Variants in CYP2A6 observed in about 807,000 individuals in gnomAD.
CYP2A6 encodes cytochrome P450 2A6.
Under a neutral mutation model 42.3 loss-of-function variants are expected in CYP2A6, and 27 were observed. The ratio of observed to expected loss-of-function variants is 0.64; its 90% CI spans 0.47 to 0.88. CYP2A6 has a LOEUF of 0.88. Among genes scored for constraint, CYP2A6 ranks in the 40% least tolerant of loss-of-function variants. CYP2A6 has a pLI of 0.00. For missense variants in CYP2A6, 628 were observed against 646.0 expected (o/e 0.97, Z 0.30); for synonymous variants, 238 against 246.3 (o/e 0.97, Z 0.31).
intron 2 of CYP2A6, among the ~76,000 whole-genome samples, chr19:40,848,984 AG>A (rs1967159477): frequency 8.5e-6 from 1 of 117,212 alleles, no homozygotes; most frequent in East Asian, 2.9e-4. Context: ...GAGAAGAGAG[AG>A]AGGAGAGAGA....
Position 40,848,872 on chromosome 19 carries a change from A to T in CYP2A6, c.344-109T>A, listed in dbSNP as rs1967152099. On this transcript the variant is annotated intron_variant, in intron 2 of 8. Transcript: ENST00000301141. ...TGGAGGAGAGAGGGAGTAGGGTGGG[A>T]GAGAGATGGATTCAGCGCCATTGCC... 5.2e-6 allele frequency: 7 copies of T among 1,338,436 alleles called. No homozygotes were observed. In the South Asian group the frequency reaches 6.6e-5, roughly 13 times the overall value. The allele number at this position is 1,338,436 out of a possible 1,614,324, so 82.9% of individuals were successfully genotyped here. A position where few individuals can be genotyped will look rare whatever the true frequency, so the allele number is the denominator to read the frequency against.
chr19:40,844,523 A>T lies in CYP2A6; in HGVS notation c.1303+108T>A, dbSNP rs1004131513. ...TGGCTCAAGGGTAGATTCTAACAGG[A>T]ACTTCCAAGCTGGAGAAATACCAGG... On this transcript the variant is annotated intron_variant, in intron 8 of 8. Transcript: ENST00000301141. 21 of 1,588,938 alleles carry T rather than the reference A, an allele frequency of 1.3e-5. No homozygotes were observed. The African/African-American group carries it at 2.2e-4, about 16-fold the overall frequency.
chr19:40,848,167 G>T, intron 4 of CYP2A6, 52 bp downstream of exon 4: 2 of 1,601,110 alleles, frequency 1.2e-6, no homozygotes, highest in South Asian at 2.2e-5. Context: ...AGGTAGGGGA[G>T]CAGTTGGCAG....
chr19:40,847,040 C>T lies in CYP2A6; in HGVS notation c.666G>A (p.Met222Ile), dbSNP rs747803234. ...TSTSTGQLYE[M>I]FSSVMKHLPG... ...GCAGGTGTTTCATCACCGAAGAGAA[C>T]ATCTCATAGAGCTGGGGTTGCAGAG... is the stretch of plus-strand genomic sequence containing the variant. The change falls in exon 5 of 9, where the codon ATG becomes ATA. Residue 222 changes from methionine (M) to isoleucine (I), a missense_variant. Transcript: ENST00000301141. 7 of 1,611,370 alleles carry T rather than the reference C, an allele frequency of 4.3e-6. No individual in the cohort carries two copies. The highest frequency in any genetic ancestry group is 1.7e-5 in the Admixed American group (1 of 59,924).
At chr19:40,848,976 GAAGAGAGAGAGGAGAGAGAGAGAGAGAGA>G (rs1967158409) in intron 2 of CYP2A6, among the ~76,000 whole-genome samples, 2 of 89,352 alleles carry the variant, frequency 2.2e-5, no homozygotes, top group African/African-American at 4.8e-5. Context: ...GAGAGAGAGA[GAAGAGAGAGAGGAGAGAGAGAGAGAGAGA>G]GAGAGAAGAG....
Position 40,849,799 on chromosome 19 carries a change from C to T in CYP2A6, c.343+19G>A, listed in dbSNP as rs747704342. ...TCGTGTCCACCTGGCCACCTTCCCC[C>T]TCTTGGGCACCCCCTCACCATAGCC... On this transcript the variant is annotated intron_variant, in intron 2 of 8. Coordinates refer to ENST00000301141, the MANE Select transcript of CYP2A6 (RefSeq NM_000762.6). The T allele has an allele frequency of 3.7e-6, 6 of 1,604,128 alleles. No individual in the cohort carries two copies. Among genetic ancestry groups the T allele is most frequent in the South Asian group, 2.2e-5 (2 of 90,010 alleles).
chr19:40,844,322 T>C (rs932071081), intron 8 of CYP2A6, among the ~76,000 whole-genome samples: 4 of 151,342 alleles, frequency 2.6e-5, no homozygotes, highest in Middle Eastern at 3.4e-3. Context: ...GGTTTAGATG[T>C]CCTTTCCTGC....
chr19:40,846,911 C>A lies in CYP2A6; in HGVS notation c.795G>T (p.Arg265=), dbSNP rs527434101. ...GGATGAGAAAGGAGTCAATGAAGTCCCGTGGGGAATTGGGATCCAGCGTGC... is the reference window on the plus strand; with the variant it reads ...GGATGAGAAAGGAGTCAATGAAGTCACGTGGGGAATTGGGATCCAGCGTGC... ...NQRTLDPNSP[R]DFIDSFLIRM... The change falls in exon 5 of 9, where the codon CGG becomes CGT. Residue 265 remains arginine (R), a synonymous_variant. Coordinates refer to ENST00000301141, the MANE Select transcript of CYP2A6 (RefSeq NM_000762.6). 3.7e-6 allele frequency: 6 copies of A among 1,612,092 alleles called. No homozygotes were observed. The African/African-American group carries it at 6.7e-5, about 18-fold the overall frequency.
Position 40,849,898 on chromosome 19 carries a change from C to A in CYP2A6, c.263G>T (p.Arg88Met). 6.2e-7 allele frequency: 1 copy of A among 1,611,670 alleles called. No homozygotes were observed. The highest frequency in any genetic ancestry group is 1.7e-5 in the Admixed American group (1 of 59,992). Reference sequence around the variant, plus strand: ...CTCAGCCTGGTCCACCAGAGCCTCCCTGACGGCATCATGTCCACACAGCAC... The same window carrying A: ...CTCAGCCTGGTCCACCAGAGCCTCCATGACGGCATCATGTCCACACAGCAC... ...VVVLCGHDAV[R>M]EALVDQAEEF... is the part of the protein sequence containing the mutation. Residue 88 changes from arginine to methionine, a missense_variant, in exon 2 of 9, where the codon AGG becomes ATG. This residue lies in a region of CYP2A6 where 606 missense variants were observed against 568.1 expected (regional missense o/e 1.07). Coordinates refer to ENST00000301141, the MANE Select transcript of CYP2A6 (RefSeq NM_000762.6).
rs555413545 is a variant in CYP2A6, at chr19:40,844,812, G to A, written c.1162-40C>T. The A allele has an allele frequency of 1.9e-4, 307 of 1,582,790 alleles. 6 individuals are homozygous for A. The highest frequency in any genetic ancestry group is 1.6e-3 in the South Asian group (140 of 86,654). On this transcript the variant is annotated intron_variant, in intron 7 of 8. Coordinates refer to ENST00000301141, the MANE Select transcript of CYP2A6 (RefSeq NM_000762.6). The stretch of plus-strand genomic sequence containing the variant: ...GAAGTTGTGTGTGATGAGGAGGGTC[G>A]GGGGATTGGTGAAAGTACACAGGGG...
In CYP2A6 at chr19:40,849,731, G is replaced by C. The variant is rs541653514; in HGVS notation, c.343+87C>G. Reference sequence around the variant, plus strand: ...ACTGGGGACTCTGCCTTAGCCTCCAGTTGGCAGGAGAGTCAGGGAGAAGGC... The same window carrying C: ...ACTGGGGACTCTGCCTTAGCCTCCACTTGGCAGGAGAGTCAGGGAGAAGGC... On this transcript the variant is annotated intron_variant, in intron 2 of 8. Coordinates refer to ENST00000301141, the MANE Select transcript of CYP2A6 (RefSeq NM_000762.6). 2.8e-5 allele frequency: 44 copies of C among 1,581,160 alleles called. 1 individual carries two copies. In the African/African-American group the frequency reaches 5.7e-4, roughly 20 times the overall value.
chr19:40,843,722 C>G lies in CYP2A6; in HGVS notation c.*74G>C. ...CCTGCCCCCAGTCTTAGCTGCGCCC[C>G]TCTCCCAAGCCCGGTCTTGGCCCTG... On this transcript the variant is annotated 3_prime_UTR_variant, in exon 9 of 9. Transcript: ENST00000301141. 7.3e-6 allele frequency: 10 copies of G among 1,370,386 alleles called. 1 individual carries two copies. Among genetic ancestry groups the G allele is most frequent in the Non-Finnish European group, 9.8e-6 (10 of 1,024,968 alleles). The allele number at this position is 1,370,386 out of a possible 1,614,324, so 84.9% of individuals were successfully genotyped here. A position where few individuals can be genotyped will look rare whatever the true frequency, so the allele number is the denominator to read the frequency against.
chr19:40,844,712 G>C lies in CYP2A6; in HGVS notation c.1222C>G (p.Pro408Ala). The change falls in exon 8 of 9, where the codon CCC (proline) becomes GCC (alanine). Residue 408 changes from proline to alanine, a missense_variant. By Grantham distance (27) the Pro-to-Ala change is conservative. Transcript: ENST00000301141. Reference sequence around the variant, plus strand: ...AAGTGCTGGGGATTGAAGTCCTGGGGGTTGGAGAAGAAACTGGGGTCTCTC... The same window carrying C: ...AAGTGCTGGGGATTGAAGTCCTGGGCGTTGGAGAAGAAACTGGGGTCTCTC... Reference protein sequence around the residue: ...VLRDPSFFSNPQDFNPQHFLN... With the variant: ...VLRDPSFFSNAQDFNPQHFLN... 6.2e-7 allele frequency: 1 copy of C among 1,611,722 alleles called. No homozygotes were observed. The highest frequency in any genetic ancestry group is 1.1e-5 in the South Asian group (1 of 90,922).
In CYP2A6 at chr19:40,844,676, T is replaced by C. The variant is rs775202015; in HGVS notation, c.1258A>G (p.Lys420Glu). The change falls in exon 8 of 9, where the codon AAG (lysine) becomes GAG (glutamate). Residue 420 changes from lysine to glutamate, a missense_variant. By Grantham distance (56) the Lys-to-Glu change is moderately conservative. Transcript: ENST00000301141. ...GCATCACTCTTCTTAAACTGCCCCT[T>C]CTCATTCAGGAAGTGCTGGGGATTG... ...DFNPQHFLNEKGQFKKSDAFV... is the reference protein window; with the variant it reads ...DFNPQHFLNEEGQFKKSDAFV... 6.2e-7 allele frequency: 1 copy of C among 1,611,692 alleles called. No homozygotes were observed. Among genetic ancestry groups the C allele is most frequent in the Non-Finnish European group, 8.5e-7 (1 of 1,179,878 alleles).
At position 40,846,027 on chromosome 19, in the gene CYP2A6, C is replaced by G. The variant is rs60823196; in HGVS notation, c.902G>C (p.Gly301Ala). The change falls in exon 6 of 9, where the codon GGG (glycine) becomes GCG (alanine). Residue 301 changes from glycine to alanine, a missense_variant. By Grantham distance (60) the Gly-to-Ala change is moderately conservative. This residue lies in a region of CYP2A6 where 606 missense variants were observed against 568.1 expected (regional missense o/e 1.07). Transcript: ENST00000301141. ...GGTGGTGCTGACGGTCTCGGTGCCC[C>G]CAATGAAGAGGTTCAACGTGGTCAT... is the stretch of plus-strand genomic sequence containing the variant. ...LVMTTLNLFI[G>A]GTETVSTTLR... 2 of 1,611,328 alleles carry G rather than the reference C, an allele frequency of 1.2e-6. No homozygotes were observed. The highest frequency in any genetic ancestry group is 1.3e-5 in the African/African-American group (1 of 74,464).
chr19:40,846,091 T>C lies in CYP2A6; in HGVS notation c.838A>G (p.Lys280Glu), dbSNP rs911423453. 2 of 1,611,164 alleles carry C rather than the reference T, an allele frequency of 1.2e-6. No homozygotes were observed. The highest frequency in any genetic ancestry group is 3.3e-5 in the Admixed American group (2 of 59,920). ...SFLIRMQEEE[K>E]NPNTEFYLKN... is the part of the protein sequence containing the mutation. The stretch of plus-strand genomic sequence containing the variant: ...AAGTAGAACTCCGTGTTGGGGTTCT[T>C]CTCCTCCTGCAGGGAGAGGGGGCTT... The change falls in exon 6 of 9, where the codon AAG becomes GAG. Residue 280 changes from lysine (K) to glutamate (E), a missense_variant. Physicochemically the swap from Lys to Glu is moderately conservative, Grantham distance 56 (BLOSUM62 1). Around this residue, in one of 2 missense-constraint regions of CYP2A6, gnomAD observed 606 missense variants for 568.1 expected, o/e 1.07. Transcript: ENST00000301141.
rs760940282 is a variant in CYP2A6, at chr19:40,846,100, G to T, written c.832-3C>A. 4 of 1,611,348 alleles carry T rather than the reference G, an allele frequency of 2.5e-6. No homozygotes were observed. Among genetic ancestry groups the T allele is most frequent in the East Asian group, 2.3e-5 (1 of 43,330 alleles). ...TCCGTGTTGGGGTTCTTCTCCTCCTGCAGGGAGAGGGGGCTTTAGGCCAAC... is the reference window on the plus strand; with the variant it reads ...TCCGTGTTGGGGTTCTTCTCCTCCTTCAGGGAGAGGGGGCTTTAGGCCAAC... On this transcript the variant is annotated splice_region_variant and splice_polypyrimidine_tract_variant and intron_variant, in intron 5 of 8. Coordinates refer to ENST00000301141, the MANE Select transcript of CYP2A6 (RefSeq NM_000762.6).
At position 40,850,298 on chromosome 19, in the gene CYP2A6, A is replaced by G; in HGVS notation, c.129T>C (p.Ile43=). 1 of 1,610,064 alleles carries G rather than the reference A, an allele frequency of 6.2e-7. No homozygotes were observed. Among genetic ancestry groups the G allele is most frequent in the South Asian group, 1.1e-5 (1 of 90,782 alleles). The change falls in exon 1 of 9, where the codon ATT becomes ATC. Residue 43 remains isoleucine (I), a synonymous_variant. Transcript: ENST00000301141. The part of the protein sequence containing the change: ...LPPGPTPLPF[I]GNYLQLNTEQ... ...CTGTGTTCAGCTGCAGGTAGTTTCC[A>G]ATGAAGGGCAATGGGGTGGGTCCCG... is the stretch of plus-strand genomic sequence containing the variant.
Position 40,846,965 on chromosome 19 carries a change from G to T in CYP2A6, c.741C>A (p.Phe247Leu). The part of the protein sequence containing the change: ...AFQLLQGLED[F>L]IAKKVEHNQR... Reference sequence around the variant, plus strand: ...GGTTGTGCTCCACCTTCTTGGCTATGAAGTCCTCCAGCCCTTGCAGCAACT... The same window carrying T: ...GGTTGTGCTCCACCTTCTTGGCTATTAAGTCCTCCAGCCCTTGCAGCAACT... The change falls in exon 5 of 9, where the codon TTC (phenylalanine) becomes TTA (leucine). Residue 247 changes from phenylalanine (F) to leucine (L), a missense_variant. Around this residue, in one of 2 missense-constraint regions of CYP2A6, gnomAD observed 606 missense variants for 568.1 expected, o/e 1.07. Coordinates refer to ENST00000301141, the MANE Select transcript of CYP2A6 (RefSeq NM_000762.6). The T allele has an allele frequency of 6.2e-7, 1 of 1,612,078 alleles. No individual in the cohort carries two copies. The highest frequency in any genetic ancestry group is 8.5e-7 in the Non-Finnish European group (1 of 1,179,948).
Sources: allele counts gnomAD v4.1 joint callset (sites outside exome capture counted in the v4.1 genomes callset), GRCh38; gene constraint gnomAD v4.1.1; regional missense constraint gnomAD v4.1.1; transcripts MANE v1.5; gene names NCBI Gene and HGNC (gene_info 2026-07-23, HGNC 2026-07-21).